The following CDC14B variants were observed in gnomAD, a reference collection of about 807,000 sequenced individuals.
CDC14B encodes dual specificity protein phosphatase CDC14B.
CDC14B carries 22 observed loss-of-function variants against 64.2 expected under a neutral mutation model. The observed-to-expected ratio is 0.34, with a 90% CI of 0.24 to 0.49. The LOEUF (loss-of-function observed/expected upper bound fraction) is 0.49, where lower values mean the gene tolerates loss of function less well. CDC14B is among the 20% of genes least tolerant of loss of function. CDC14B has a pLI of 0.99. For synonymous variants in CDC14B, 191 were observed against 215.8 expected (o/e 0.89, Z 1.01); for missense variants, 498 against 629.9 (o/e 0.79, Z 2.24).
rs1167483618 is a variant in CDC14B, at chr9:96,502,595, T to G, written c.*1158A>C. 1 of 846 alleles carries G rather than the reference T, an allele frequency of 1.2e-3. No homozygotes were observed. The highest frequency in any genetic ancestry group is 0.12 in the East Asian group (1 of 8). 0.1% of individuals were successfully genotyped at this position (846 alleles called of 1,614,324 possible). ...ATATATTCTTTTATTTCGGGCCCCA[T>G]TTTTTTTTTTTTTTTTAGCAGCACA... is the stretch of plus-strand genomic sequence containing the variant. On this transcript the variant is annotated 3_prime_UTR_variant, in exon 14 of 14. Coordinates refer to ENST00000375241, the MANE Select transcript of CDC14B (RefSeq NM_033331.4).
intron 7 of CDC14B, among the ~76,000 whole-genome samples, chr9:96,535,814 C>A (rs895328091): frequency 6.6e-6 from 1 of 152,110 alleles, no homozygotes; most frequent in African/African-American, 2.4e-5. Flanking sequence ...TGGCATGCAC[C>A]TGTAGTCCTA....
chr9:96,496,744 G>A (rs901529650), downstream of CDC14B, among the ~76,000 whole-genome samples: 2 of 152,214 alleles, frequency 1.3e-5, no homozygotes, highest in Admixed American at 1.3e-4. Context: ...CGCTCCCGGG[G>A]AGCCCGTCCC....
chr9:96,573,867 G>T (rs1844628924), intron 1 of CDC14B, among the ~76,000 whole-genome samples: 1 of 152,112 alleles, frequency 6.6e-6, no homozygotes, highest in Non-Finnish European at 1.5e-5. Flanking sequence ...AAACAAGAAG[G>T]CCGGGTGCAG....
chr9:96,495,792 G>A (rs137911709), downstream of CDC14B, among the ~76,000 whole-genome samples: 11 of 152,230 alleles, frequency 7.2e-5, no homozygotes, highest in South Asian at 2.1e-4. Context: ...GAGGCTCCCC[G>A]GCAGGCCCAG....
rs1352461620 is a variant in CDC14B, at chr9:96,566,955, C to G, written c.161-1472G>C. ...GGGCAGCGGGCGCAGCGACACCCCTCGGCGGCCCAACGGCCTGACACGACA... is the reference window on the plus strand; with the variant it reads ...GGGCAGCGGGCGCAGCGACACCCCTGGGCGGCCCAACGGCCTGACACGACA... On this transcript the variant is annotated intron_variant, in intron 1 of 13. Transcript: ENST00000375241. 7.4e-6 allele frequency: 11 copies of G among 1,484,362 alleles called. No homozygotes were observed. The Admixed American group carries it at 2.1e-4, about 28-fold the overall frequency. 91.9% of individuals were successfully genotyped at this position (1,484,362 alleles called of 1,614,324 possible).
At chr9:96,555,464 G>A (rs1842389135) in intron 4 of CDC14B, among the ~76,000 whole-genome samples, 1 of 152,188 alleles carries the variant, frequency 6.6e-6, no homozygotes, top group African/African-American at 2.4e-5. Flanking sequence ...ACCCAACCAA[G>A]TTAAGCAACT....
At chr9:96,558,176 G>C (rs145069079) in intron 4 of CDC14B, among the ~76,000 whole-genome samples, 217 of 152,332 alleles carry the variant, frequency 1.4e-3, no homozygotes, top group Admixed American at 1.8e-3. Flanking sequence ...GGGGAGTGAA[G>C]AGAGGTTGGT....
intron 5 of CDC14B, among the ~76,000 whole-genome samples, chr9:96,544,267 A>G (rs554039800): frequency 9.3e-4 from 142 of 152,324 alleles, no homozygotes; most frequent in African/African-American, 3.2e-3. Context: ...GTTAAAAACT[A>G]TAAGTTATAC....
intron 1 of CDC14B, among the ~76,000 whole-genome samples, chr9:96,602,835 T>A (rs1253974610): frequency 1.3e-5 from 2 of 152,146 alleles, no homozygotes; most frequent in East Asian, 3.8e-4. Flanking sequence ...CTCTGCGTTC[T>A]TTTTTTAAAA....
intron 1 of CDC14B, among the ~76,000 whole-genome samples, chr9:96,609,472 C>T (rs1455040227): frequency 6.6e-6 from 1 of 152,154 alleles, no homozygotes; most frequent in Non-Finnish European, 1.5e-5. Flanking sequence ...ACATCCCTTG[C>T]CCCTCCATTC....
chr9:96,619,471 G>C lies in CDC14B; in HGVS notation c.-93C>G, dbSNP rs2119131987. On this transcript the variant is annotated 5_prime_UTR_variant, in exon 1 of 14. Coordinates refer to ENST00000375241, the MANE Select transcript of CDC14B (RefSeq NM_033331.4). ...CCCGCCAGCCCCGCGCGGGCGCTCG[G>C]GGCGGCGGGCGCAGAGCGGCGCTGC... The C allele has an allele frequency of 4.4e-6, 3 of 688,434 alleles. No individual in the cohort carries two copies. Among genetic ancestry groups the C allele is most frequent in the South Asian group, 1.3e-4 (2 of 15,556 alleles). The allele number at this position is 688,434 out of a possible 1,614,324, so 42.6% of individuals were successfully genotyped here. A position where few individuals can be genotyped will look rare whatever the true frequency, so the allele number is the denominator to read the frequency against.
At chr9:96,600,806 C>T (rs1256246091) in intron 1 of CDC14B, among the ~76,000 whole-genome samples, 1 of 151,984 alleles carries the variant, frequency 6.6e-6, no homozygotes, top group Non-Finnish European at 1.5e-5. Flanking sequence ...CCCGGCCTAG[C>T]GTTTGTGTTT....
chr9:96,608,291 T>C (rs571734192), intron 1 of CDC14B, among the ~76,000 whole-genome samples: 28 of 152,338 alleles, frequency 1.8e-4, no homozygotes, highest in African/African-American at 6.7e-4. Context: ...GGAGTTAAAA[T>C]CCCAGCCTCA....
chr9:96,609,427 A>G (rs977323485), intron 1 of CDC14B, among the ~76,000 whole-genome samples: 4 of 152,166 alleles, frequency 2.6e-5, no homozygotes, highest in Non-Finnish European at 4.4e-5. Flanking sequence ...ATTCTTTCTC[A>G]GTCTTCAGGG....
At chr9:96,558,542 T>C (rs1277280747) in intron 4 of CDC14B, among the ~76,000 whole-genome samples, 1 of 152,220 alleles carries the variant, frequency 6.6e-6, no homozygotes, top group African/African-American at 2.4e-5. Context: ...ATATAAAAAC[T>C]TCTTTTTAAA....
chr9:96,611,000 T>A lies in CDC14B; in HGVS notation c.160+8219A>T, dbSNP rs868740693. 2.0e-5 allele frequency among the ~76,000 whole-genome samples: 3 copies of A among 151,622 alleles called. No individual in the cohort carries two copies. The South Asian group carries it at 6.3e-4, about 32-fold the overall frequency. On this transcript the variant is annotated intron_variant, in intron 1 of 13. Transcript: ENST00000375241. The stretch of plus-strand genomic sequence containing the variant: ...GAACCAAGAATGACAACTAACAGAT[T>A]AAATTCTACAGTTTAAAGTCATATA...
At chr9:96,617,950 C>G (rs3802445) in intron 1 of CDC14B, among the ~76,000 whole-genome samples, 2 of 152,300 alleles carry the variant, frequency 1.3e-5, no homozygotes, top group East Asian at 3.9e-4. Context: ...GTTAGCGGGA[C>G]TTGGCTTCTC....
At chr9:96,607,905 C>G (rs1398675066) in intron 1 of CDC14B, among the ~76,000 whole-genome samples, 1 of 152,150 alleles carries the variant, frequency 6.6e-6, no homozygotes, top group East Asian at 1.9e-4. Context: ...AAAGCAGACT[C>G]GTGTTGCTGT....
At chr9:96,525,342 A>T (rs566130898) in intron 9 of CDC14B, among the ~76,000 whole-genome samples, 2 of 152,240 alleles carry the variant, frequency 1.3e-5, no homozygotes, top group East Asian at 3.9e-4. Flanking sequence ...TTCTGACAGC[A>T]GAGCTACCTG....
Sources: allele counts gnomAD v4.1 joint callset (sites outside exome capture counted in the v4.1 genomes callset), GRCh38; gene constraint gnomAD v4.1.1; transcripts MANE v1.5; gene names NCBI Gene and HGNC (gene_info 2026-07-23, HGNC 2026-07-21).